ZNF792: variants seen among roughly 807,000 people sequenced by gnomAD.
ZNF792 encodes the protein zinc finger protein 792.
ZNF792 carries 14 observed loss-of-function variants against 13.1 expected under a neutral mutation model. The ratio of observed to expected loss-of-function variants is 1.07; its 90% CI spans 0.71 to 1.67. The LOEUF is 1.67. ZNF792 is among the 40% of genes most tolerant of loss of function. The pLI is 0.00. For missense variants in ZNF792, 740 were observed against 807.9 expected, an observed-to-expected ratio of 0.92 and a Z score of 1.02; for synonymous variants, 257 against 292.0, an observed-to-expected ratio of 0.88 and a Z score of 1.22.
rs1180275733 is a variant in ZNF792, at chr19:34,959,105, T to A, written c.750A>T (p.Ala250=). The A allele has an allele frequency of 6.2e-7, 1 of 1,614,072 alleles. No homozygotes were observed. The highest frequency in any genetic ancestry group is 1.1e-5 in the South Asian group (1 of 91,090). Residue 250 remains alanine, a synonymous_variant, in exon 4 of 4, where the codon GCA becomes GCT. Coordinates refer to ENST00000404801, the MANE Select transcript of ZNF792 (RefSeq NM_175872.5). ...ATEGVVDFHI[A]LRHNKCCESG... is the part of the protein sequence containing the mutation. ...ATTCACAGCACTTGTTATGCCTTAG[T>A]GCAATGTGAAAATCCACCACACCTT...
rs1254503317 is a variant in ZNF792 at position 34,956,927 on chromosome 19, C to G, written c.*1029G>C. ...TGAGGTCCTGAGAATTTCTGCAAAC[C>G]CTGAATCCTGCACAGCCACATTCAA... On this transcript the variant is annotated 3_prime_UTR_variant, in exon 4 of 4. Transcript: ENST00000404801. 3 of 152,230 alleles carry G rather than the reference C, an allele frequency of 2.0e-5. 1 individual carries two copies. Among genetic ancestry groups the G allele is most frequent in the Non-Finnish European group, 4.4e-5 (3 of 68,058 alleles). 9.4% of individuals were successfully genotyped at this position (152,230 alleles called of 1,614,324 possible). A position where few individuals can be genotyped will look rare whatever the true frequency, so the allele number is the denominator to read the frequency against.
chr19:34,958,690 T>C lies in ZNF792; in HGVS notation c.1165A>G (p.Thr389Ala). 6.2e-7 allele frequency: 1 copy of C among 1,614,162 alleles called. No homozygotes were observed. Among genetic ancestry groups the C allele is most frequent in the Non-Finnish European group, 8.5e-7 (1 of 1,179,990 alleles). Reference sequence around the variant, plus strand: ...CTGCACTCATGGGCACTTCTGCCCGTATGAACCCTCTTATGATGAATGAGG... The same window carrying C: ...CTGCACTCATGGGCACTTCTGCCCGCATGAACCCTCTTATGATGAATGAGG... ...SNLIHHKRVH[T>A]GRSAHECSEC... The change falls in exon 4 of 4, where the codon ACG becomes GCG. Residue 389 changes from threonine to alanine, a missense_variant. Coordinates refer to ENST00000404801, the MANE Select transcript of ZNF792 (RefSeq NM_175872.5).
chr19:34,962,089 A>G (rs1197263532), intron 1 of ZNF792, among the ~76,000 whole-genome samples: 1 of 151,954 alleles, frequency 6.6e-6, no homozygotes, highest in African/African-American at 2.4e-5. Context: ...CCAAGCAAGA[A>G]CCCTGCTCTC....
chr19:34,957,230 G>C lies in ZNF792; in HGVS notation c.*726C>G, dbSNP rs1038213639. On this transcript the variant is annotated 3_prime_UTR_variant, in exon 4 of 4. Coordinates refer to ENST00000404801, the MANE Select transcript of ZNF792 (RefSeq NM_175872.5). ...ATTCATGCTGTTCCCACATGCACTG[G>C]AGGTTGTCACAACTGCCCCCTCCTC... is the stretch of plus-strand genomic sequence containing the variant. 1.3e-5 allele frequency: 2 copies of C among 152,204 alleles called. No homozygotes were observed. Among genetic ancestry groups the C allele is most frequent in the Non-Finnish European group, 2.9e-5 (2 of 68,070 alleles). 9.4% of individuals were successfully genotyped at this position (152,204 alleles called of 1,614,324 possible). A position where few individuals can be genotyped will look rare whatever the true frequency, so the allele number is the denominator to read the frequency against.
At position 34,963,575 on chromosome 19, in the gene ZNF792, C is replaced by T. The variant is rs2013559117; in HGVS notation, c.33+55G>A. 7 of 1,581,692 alleles carry T rather than the reference C, an allele frequency of 4.4e-6. No individual in the cohort carries two copies. The Admixed American group carries it at 7.4e-5, about 17-fold the overall frequency. On this transcript the variant is annotated intron_variant, in intron 1 of 3. Coordinates refer to ENST00000404801, the MANE Select transcript of ZNF792 (RefSeq NM_175872.5). ...AAAGCCATCTTTTGCGTCTCAACAC[C>T]GAGAACAGAAGCGTGGGGGGCCGAC...
chr19:34,958,512 C>A lies in ZNF792; in HGVS notation c.1343G>T (p.Arg448Leu). The A allele has an allele frequency of 6.3e-7, 1 of 1,591,656 alleles. No homozygotes were observed. The highest frequency in any genetic ancestry group is 8.6e-7 in the Non-Finnish European group (1 of 1,168,080). The stretch of plus-strand genomic sequence containing the variant: ...CCCACACTCACCACACCCGTGAGGC[C>A]GCTCGCCAGTGTGAACTATCTGATG... ...IQHQIVHTGERPHGCGECGKA... is the reference protein window; with the variant it reads ...IQHQIVHTGELPHGCGECGKA... Residue 448 changes from arginine to leucine, a missense_variant, in exon 4 of 4, where the codon CGG becomes CTG. Coordinates refer to ENST00000404801, the MANE Select transcript of ZNF792 (RefSeq NM_175872.5).
At position 34,960,322 on chromosome 19, in the gene ZNF792, A is replaced by G. The variant is rs773709257; in HGVS notation, c.196T>C (p.Leu66=). 17 of 1,613,688 alleles carry G rather than the reference A, an allele frequency of 1.1e-5. No homozygotes were observed. Among genetic ancestry groups the G allele is most frequent in the Non-Finnish European group, 1.4e-5 (16 of 1,179,766 alleles). The change falls in exon 3 of 4, where the codon TTG becomes CTG. Residue 66 remains leucine, a synonymous_variant. Transcript: ENST00000404801. The part of the protein sequence containing the change: ...ISFRSHIVSQ[L]EMGKEPWVPD... ...ACCCAGGGCTCTTTCCCCATCTCCA[A>G]CTGGGAAACGATGTGGGACCTGAAA...
chr19:34,960,500 C>G, intron 2 of ZNF792, 143 bp from the exon 3 acceptor site: 1 of 1,045,342 alleles, frequency 9.6e-7, no homozygotes, highest in Non-Finnish European at 1.4e-6. Flanking sequence ...GATTGGAATT[C>G]CTGGCACAGT....
At chr19:34,961,481 CAG>C (rs2013527151) in intron 1 of ZNF792, among the ~76,000 whole-genome samples, 1 of 152,114 alleles carries the variant, frequency 6.6e-6, no homozygotes, top group Non-Finnish European at 1.5e-5. Flanking sequence ...ACATGGCATC[CAG>C]AGAGTGCCTG....
intron 1 of ZNF792, among the ~76,000 whole-genome samples, chr19:34,961,672 C>T (rs1174017180): frequency 1.3e-5 from 2 of 152,076 alleles, no homozygotes; most frequent in Admixed American, 6.5e-5. Context: ...TACACTTGGC[C>T]TTCTTTGTTG....
intron 1 of ZNF792, among the ~76,000 whole-genome samples, chr19:34,962,919 A>C (rs1259792499): frequency 2.0e-5 from 3 of 152,140 alleles, no homozygotes; most frequent in African/African-American, 4.8e-5. Context: ...TGGATTCATC[A>C]AACCAAAAAC....
In ZNF792 at chr19:34,958,702, T is replaced by G; in HGVS notation, c.1153A>C (p.Lys385Gln). The change falls in exon 4 of 4, where the codon AAG becomes CAG. Residue 385 changes from lysine to glutamine, a missense_variant. Lys to Gln is a moderately conservative substitution (Grantham distance 53, BLOSUM62 1). Transcript: ENST00000404801. ...GCACTTCTGCCCGTATGAACCCTCT[T>G]ATGATGAATGAGGTTGGAACGCTGG... is the stretch of plus-strand genomic sequence containing the variant. ...FSQRSNLIHH[K>Q]RVHTGRSAHE... 6.2e-7 allele frequency: 1 copy of G among 1,613,864 alleles called. No individual in the cohort carries two copies. Among genetic ancestry groups the G allele is most frequent in the Non-Finnish European group, 8.5e-7 (1 of 1,179,920 alleles).
In ZNF792 at chr19:34,963,839, G is replaced by C; in HGVS notation, c.-177C>G. 1 of 701,636 alleles carries C rather than the reference G, an allele frequency of 1.4e-6. No individual in the cohort carries two copies. The highest frequency in any genetic ancestry group is 2.1e-5 in the South Asian group (1 of 47,220). The allele number at this position is 701,636 out of a possible 1,614,324, so 43.5% of individuals were successfully genotyped here. A position where few individuals can be genotyped will look rare whatever the true frequency, so the allele number is the denominator to read the frequency against. ...CCGTGCAAAATGCGCAAGGGGCCCG[G>C]GGCGCAGGCTCCGGGGGCGCCGAGA... On this transcript the variant is annotated 5_prime_UTR_variant, in exon 1 of 4. Transcript: ENST00000404801.
rs771919269 is a variant in ZNF792, at chr19:34,960,348, GAT to G, written c.168_169del (p.Ser57PhefsTer19). 1.2e-6 allele frequency: 2 copies of G among 1,613,174 alleles called. No individual in the cohort carries two copies. Among genetic ancestry groups the G allele is most frequent in the East Asian group, 4.5e-5 (2 of 44,858 alleles). On this transcript the variant is annotated frameshift_variant, in exon 3 of 4. Coordinates refer to ENST00000404801, the MANE Select transcript of ZNF792 (RefSeq NM_175872.5). LOFTEE classifies it high-confidence loss of function. ...CTGGGAAACGATGTGGGACCTGAAA[GAT>G]ATAAGTCCTAAGGGAAAGACAGAGT...
intron 1 of ZNF792, 114 bp downstream of exon 1, chr19:34,963,516 G>T: frequency 1.4e-6 from 2 of 1,463,756 alleles, no homozygotes; most frequent in Non-Finnish European, 1.9e-6. Flanking sequence ...TGACTCAAAA[G>T]CAAGGAAATG....
rs1568550997 is a variant in ZNF792, at chr19:34,956,681, T to C, written c.*1275A>G. 1 of 152,226 alleles carries C rather than the reference T, an allele frequency of 6.6e-6. No individual in the cohort carries two copies. Among genetic ancestry groups the C allele is most frequent in the Non-Finnish European group, 1.5e-5 (1 of 68,042 alleles). 9.4% of individuals were successfully genotyped at this position (152,226 alleles called of 1,614,324 possible). A position where few individuals can be genotyped will look rare whatever the true frequency, so the allele number is the denominator to read the frequency against. Reference sequence around the variant, plus strand: ...AAAATCCGATTTGGCAACCCTATATTGACTCTGTCATCTCTTTCTTCTTGC... The same window carrying C: ...AAAATCCGATTTGGCAACCCTATATCGACTCTGTCATCTCTTTCTTCTTGC... On this transcript the variant is annotated 3_prime_UTR_variant, in exon 4 of 4. Transcript: ENST00000404801.
intron 2 of ZNF792, 184 bp from the exon 3 acceptor site, chr19:34,960,541 G>A (rs1275705534): frequency 3.8e-6 from 3 of 793,156 alleles, no homozygotes; most frequent in African/African-American, 1.7e-5. Context: ...AAGAGGAAAG[G>A]CACAGAATCT....
chr19:34,960,419 G>C, intron 2 of ZNF792, 62 bp from the exon 3 acceptor site: 1 of 1,580,612 alleles, frequency 6.3e-7, no homozygotes. Context: ...CCCCATGATA[G>C]ACTACAAGAC....
rs958651774 is a variant in ZNF792, at chr19:34,960,000, G to A, written c.283+235C>T. Among the ~76,000 whole-genome samples the A allele has an allele frequency of 1.6e-4, 24 of 152,334 alleles. No homozygotes were observed. In the East Asian group the frequency reaches 3.1e-3, roughly 20 times the overall value. The stretch of plus-strand genomic sequence containing the variant: ...GTGTAGGCCAGTGTTGGAAAGTGCC[G>A]CAGAGGAAGCTGAAAGAGAGAAACG... On this transcript the variant is annotated intron_variant, in intron 3 of 3. Transcript: ENST00000404801.
Sources: gnomAD v4.1 joint callset for allele counts (sites outside exome capture counted in the v4.1 genomes callset) on GRCh38, gnomAD v4.1.1 for gene constraint, MANE v1.5 for transcripts, NCBI Gene and HGNC (gene_info 2026-07-23, HGNC 2026-07-21) for gene names.